HS2ST1: variants seen among roughly 807,000 people sequenced by gnomAD.
HS2ST1 encodes heparan sulfate 2-O-sulfotransferase 1, also known as 2-O-sulfotransferase.
Under a neutral mutation model 42.9 loss-of-function variants are expected in HS2ST1, and 18 were observed. The observed-to-expected ratio is 0.42, with a 90% CI of 0.29 to 0.62. The LOEUF (loss-of-function observed/expected upper bound fraction) is 0.62. HS2ST1 is among the 20% of genes least tolerant of loss of function. The pLI is 0.21. For synonymous variants in HS2ST1, 146 were observed against 152.9 expected (o/e 0.95, Z 0.33); for missense variants, 334 against 433.8 (o/e 0.77, Z 2.04).
intron 1 of HS2ST1, among the ~76,000 whole-genome samples, chr1:87,000,687 C>T (rs1052353444): frequency 6.6e-6 from 1 of 152,182 alleles, no homozygotes; most frequent in Non-Finnish European, 1.5e-5. Context: ...TGCCCAGTTT[C>T]ACTCTATGCA....
intron 1 of HS2ST1, among the ~76,000 whole-genome samples, chr1:86,963,759 T>TCCCG (rs1647933441): frequency 9.9e-6 from 1 of 101,276 alleles, no homozygotes; most frequent in African/African-American, 4.0e-5. Flanking sequence ...CCCCCCCACC[T>TCCCG]CCCGGACGGG....
At chr1:87,012,011 T>G (rs1649610021) in intron 1 of HS2ST1, among the ~76,000 whole-genome samples, 1 of 152,238 alleles carries the variant, frequency 6.6e-6, no homozygotes, top group African/African-American at 2.4e-5. Flanking sequence ...TCAGTATGCA[T>G]GCAATGCATT....
chr1:86,944,401 C>T (rs932829343), intron 1 of HS2ST1, among the ~76,000 whole-genome samples: 1 of 152,162 alleles, frequency 6.6e-6, no homozygotes, highest in African/African-American at 2.4e-5. Context: ...GTTGCCCAGG[C>T]TGGAGTGCAG....
intron 1 of HS2ST1, among the ~76,000 whole-genome samples, chr1:87,028,927 T>C (rs539303968): frequency 3.5e-4 from 53 of 152,290 alleles, no homozygotes; most frequent in Non-Finnish European, 6.6e-4. Context: ...TATACAAAGG[T>C]AGTGAAACAA....
chr1:87,015,998 G>T (rs1362876432), intron 1 of HS2ST1, among the ~76,000 whole-genome samples: 11 of 151,520 alleles, frequency 7.3e-5, no homozygotes, highest in Admixed American at 7.2e-4. Flanking sequence ...TATATTTTTA[G>T]TAGAGACGGG....
intron 1 of HS2ST1, among the ~76,000 whole-genome samples, chr1:87,022,324 A>T (rs1649972992): frequency 6.6e-6 from 1 of 152,174 alleles, no homozygotes; most frequent in South Asian, 2.1e-4. Flanking sequence ...TGGGAAACAG[A>T]CATACTCATA....
intron 1 of HS2ST1, among the ~76,000 whole-genome samples, chr1:87,049,356 G>C (rs1570512350): frequency 6.6e-6 from 1 of 151,702 alleles, no homozygotes; most frequent in East Asian, 1.9e-4. Flanking sequence ...CAAAGAACTA[G>C]CTGTGGTTTA....
intron 3 of HS2ST1, among the ~76,000 whole-genome samples, chr1:87,085,142 A>G (rs1651790624): frequency 1.3e-5 from 2 of 152,202 alleles, no homozygotes; most frequent in Non-Finnish European, 2.9e-5. Flanking sequence ...CCATTGTAGT[A>G]AACCTCAAAT....
chr1:86,922,395 T>A (rs1451731924), intron 1 of HS2ST1, among the ~76,000 whole-genome samples: 2 of 149,958 alleles, frequency 1.3e-5, no homozygotes, highest in Non-Finnish European at 3.0e-5. Flanking sequence ...GCTGACATAT[T>A]TACCATTCCC....
At position 87,089,478 on chromosome 1, in the gene HS2ST1, G is replaced by T. The variant is rs566365619; in HGVS notation, c.450-3053G>T. ...AGCTTTGTTGAGAAATAGCTGAAAT[G>T]ATTGACCAGAGTTAAAGGTGAGGTC... On this transcript the variant is annotated intron_variant, in intron 3 of 6. Transcript: ENST00000370550. Among the ~76,000 whole-genome samples, 135 of 152,118 alleles carry T rather than the reference G, an allele frequency of 8.9e-4. 1 individual carries two copies. The highest frequency in any genetic ancestry group is 3.1e-3 in the African/African-American group (128 of 41,524).
intron 1 of HS2ST1, among the ~76,000 whole-genome samples, chr1:87,031,272 T>C (rs1290171697): frequency 6.6e-6 from 1 of 152,126 alleles, no homozygotes; most frequent in Non-Finnish European, 1.5e-5. Flanking sequence ...CAAAATGGGA[T>C]AGGCCTATAT....
intron 1 of HS2ST1, among the ~76,000 whole-genome samples, chr1:87,038,845 T>A (rs965542498): frequency 7.2e-5 from 11 of 151,934 alleles, no homozygotes; most frequent in Admixed American, 6.6e-5. Context: ...AAAAAAAAAA[T>A]GGATTCTGAC....
chr1:86,945,043 GT>G (rs1647288930), intron 1 of HS2ST1, among the ~76,000 whole-genome samples: 1 of 152,014 alleles, frequency 6.6e-6, no homozygotes, highest in Non-Finnish European at 1.5e-5. Context: ...TTTCTTGACG[GT>G]TAATAGTATG....
chr1:86,965,598 A>C (rs937428859), intron 1 of HS2ST1, among the ~76,000 whole-genome samples: 6 of 151,866 alleles, frequency 4.0e-5, no homozygotes, highest in Non-Finnish European at 7.4e-5. Flanking sequence ...TGTGGGCCCC[A>C]CTTTTGGAGG....
chr1:86,944,899 G>A (rs936893830), intron 1 of HS2ST1, among the ~76,000 whole-genome samples: 1 of 151,388 alleles, frequency 6.6e-6, no homozygotes, highest in African/African-American at 2.4e-5. Flanking sequence ...ATACTCCGCT[G>A]TTTTTACCCC....
chr1:87,033,343 G>A (rs1650287578), intron 1 of HS2ST1, among the ~76,000 whole-genome samples: 1 of 152,104 alleles, frequency 6.6e-6, no homozygotes, highest in Non-Finnish European at 1.5e-5. Context: ...AACCCCATTA[G>A]GTAATGAGGA....
chr1:87,101,793 C>T (rs1185185306), intron 5 of HS2ST1, among the ~76,000 whole-genome samples: 1 of 152,164 alleles, frequency 6.6e-6, no homozygotes, highest in African/African-American at 2.4e-5. Flanking sequence ...TAGCAACACC[C>T]AACTCCTTAG....
At chr1:87,083,566 A>G (rs1272606254) in intron 2 of HS2ST1, among the ~76,000 whole-genome samples, 2 of 152,156 alleles carry the variant, frequency 1.3e-5, no homozygotes, top group African/African-American at 2.4e-5. Context: ...ATAATTTTTC[A>G]TATTAATTTT....
Position 87,015,452 on chromosome 1 carries a change from A to G in HS2ST1, c.125-57482A>G, listed in dbSNP as rs566817523. Among the ~76,000 whole-genome samples, 8 of 148,472 alleles carry G rather than the reference A, an allele frequency of 5.4e-5. 1 individual carries two copies. The South Asian group carries it at 1.3e-3, about 24-fold the overall frequency. On this transcript the variant is annotated intron_variant, in intron 1 of 6. Transcript: ENST00000370550. ...AAGCTCTGCTTCCCAGGTTCACACC[A>G]TTATCCTGCCTCAGCCTCCTAGTAG...
Sources: gnomAD v4.1 joint callset for allele counts (sites outside exome capture counted in the v4.1 genomes callset) on GRCh38, gnomAD v4.1.1 for gene constraint, MANE v1.5 for transcripts, NCBI Gene and HGNC (gene_info 2026-07-23, HGNC 2026-07-21) for gene names.